The following METTL24 variants were observed in gnomAD, a reference collection of about 807,000 sequenced individuals.
METTL24 encodes probable methyltransferase-like protein 24.
Under a neutral mutation model 32.7 loss-of-function variants are expected in METTL24, and 29 were observed. The observed-to-expected ratio is 0.89, with a 90% CI of 0.66 to 1.21. The LOEUF (loss-of-function observed/expected upper bound fraction) is 1.21. METTL24 is among the 50% of genes most tolerant of loss of function. METTL24 has a pLI of 0.00. For missense variants in METTL24, 439 were observed against 468.1 expected, an observed-to-expected ratio of 0.94 and a Z score of 0.57; for synonymous variants, 163 against 179.5, an observed-to-expected ratio of 0.91 and a Z score of 0.73.
intron 4 of METTL24, among the ~76,000 whole-genome samples, chr6:110,268,961 T>A (rs1770907105): frequency 6.6e-6 from 1 of 152,080 alleles, no homozygotes; most frequent in South Asian, 2.1e-4. Flanking sequence ...TAGGTCTAAT[T>A]GTAAGAGGCC....
chr6:110,336,902 C>T (rs1582435964), intron 1 of METTL24, among the ~76,000 whole-genome samples: 1 of 152,002 alleles, frequency 6.6e-6, no homozygotes, highest in South Asian at 2.1e-4. Flanking sequence ...AATATTCAAC[C>T]CATCAATCGC....
chr6:110,305,522 T>C (rs1402918299), intron 3 of METTL24, among the ~76,000 whole-genome samples: 2 of 125,870 alleles, frequency 1.6e-5, no homozygotes, highest in African/African-American at 6.9e-5. Flanking sequence ...GCAAAGGATA[T>C]GAACAGACGC....
chr6:110,345,693 G>A (rs181551162), intron 1 of METTL24, among the ~76,000 whole-genome samples: 28 of 152,228 alleles, frequency 1.8e-4, no homozygotes, highest in Non-Finnish European at 3.2e-4. Context: ...ACCAAATACC[G>A]TATATTCTCA....
intron 4 of METTL24, among the ~76,000 whole-genome samples, chr6:110,270,059 G>A (rs1770927093): frequency 1.3e-5 from 2 of 152,158 alleles, no homozygotes; most frequent in African/African-American, 2.4e-5. Context: ...ATGATCCTTT[G>A]AAAATCATCC....
intron 4 of METTL24, among the ~76,000 whole-genome samples, chr6:110,298,081 A>C (rs916424420): frequency 3.9e-5 from 6 of 152,194 alleles, no homozygotes; most frequent in African/African-American, 1.4e-4. Context: ...AAGCCAACTC[A>C]AGTTTAAAAT....
intron 4 of METTL24, among the ~76,000 whole-genome samples, chr6:110,290,652 G>T (rs1243175344): frequency 6.6e-6 from 1 of 152,164 alleles, no homozygotes; most frequent in African/African-American, 2.4e-5. Context: ...TCCAGTTGAG[G>T]TTATCATGAA....
rs556425358 is a variant in METTL24, at chr6:110,281,786, C to T, written c.786+17136G>A. 4.6e-5 allele frequency among the ~76,000 whole-genome samples: 7 copies of T among 151,126 alleles called. No individual in the cohort carries two copies. In the East Asian group the frequency reaches 1.3e-3, roughly 29 times the overall value. ...AGTTCAGTCAACACTTGGTGCTATACTTGATATGTCCCCAAAAGCAGTCAA... is the reference window on the plus strand; with the variant it reads ...AGTTCAGTCAACACTTGGTGCTATATTTGATATGTCCCCAAAAGCAGTCAA... On this transcript the variant is annotated intron_variant, in intron 4 of 4. Coordinates refer to ENST00000338882, the MANE Select transcript of METTL24 (RefSeq NM_001123364.3).
At chr6:110,280,020 G>T (rs1372106843) in intron 4 of METTL24, among the ~76,000 whole-genome samples, 2 of 152,148 alleles carry the variant, frequency 1.3e-5, no homozygotes, top group Non-Finnish European at 2.9e-5. Flanking sequence ...GAGACAGGAA[G>T]TAGGTGCTGC....
chr6:110,357,936 C>A lies in METTL24; in HGVS notation c.318+19G>T. On this transcript the variant is annotated intron_variant, in intron 1 of 4. Transcript: ENST00000338882. ...GGGCTTCTGGTCCCAGGCCCAAGAC[C>A]GACCGCTTTGCAACTGACCTTCCGG... is the stretch of plus-strand genomic sequence containing the variant. 2 of 1,207,478 alleles carry A rather than the reference C, an allele frequency of 1.7e-6. No individual in the cohort carries two copies. The highest frequency in any genetic ancestry group is 3.9e-5 in the South Asian group (1 of 25,934). The allele number at this position is 1,207,478 out of a possible 1,614,324, so 74.8% of individuals were successfully genotyped here.
At chr6:110,330,911 A>C (rs955346732) in intron 1 of METTL24, among the ~76,000 whole-genome samples, 1 of 152,326 alleles carries the variant, frequency 6.6e-6, no homozygotes, top group African/African-American at 2.4e-5. Flanking sequence ...GAAAATCCCA[A>C]CTTATGTGGG....
chr6:110,332,671 G>T (rs1368316497), intron 1 of METTL24: 8 of 161,118 alleles, frequency 5.0e-5, no homozygotes. Context: ...GTTTTGGGAG[G>T]CTGAGGTGGG....
intron 1 of METTL24, among the ~76,000 whole-genome samples, chr6:110,353,412 AG>A (rs1174488674): frequency 5.0e-5 from 4 of 80,366 alleles, no homozygotes; most frequent in Non-Finnish European, 1.3e-4. Context: ...TGGACATATC[AG>A]GGGGCATCCC....
intron 4 of METTL24, among the ~76,000 whole-genome samples, chr6:110,277,527 T>C (rs1771068383): frequency 6.6e-6 from 1 of 152,178 alleles, no homozygotes. Flanking sequence ...CAATAATTTC[T>C]TGGAAATTGC....
At chr6:110,266,562 TCTC>T (rs1770861107) in intron 4 of METTL24, among the ~76,000 whole-genome samples, 1 of 152,146 alleles carries the variant, frequency 6.6e-6, no homozygotes, top group Non-Finnish European at 1.5e-5. Context: ...TCATGGCAGT[TCTC>T]CTGCGACAGT....
intron 1 of METTL24, among the ~76,000 whole-genome samples, chr6:110,356,677 G>A (rs555070789): frequency 9.9e-5 from 15 of 152,270 alleles, no homozygotes; most frequent in Middle Eastern, 6.8e-3. Context: ...TAAGCCCTTG[G>A]CAAAACTGTG....
intron 3 of METTL24, among the ~76,000 whole-genome samples, chr6:110,309,228 A>T (rs1428548706): frequency 6.6e-6 from 1 of 152,184 alleles, no homozygotes; most frequent in Non-Finnish European, 1.5e-5. Flanking sequence ...GAGGTAACAC[A>T]ATTGGTGTTT....
rs751078617 is a variant in METTL24 at position 110,273,677 on chromosome 6, C to T, written c.786+25245G>A. Among the ~76,000 whole-genome samples, 19 of 152,142 alleles carry T rather than the reference C, an allele frequency of 1.2e-4. 1 individual carries two copies. The highest frequency in any genetic ancestry group is 9.8e-4 in the Admixed American group (15 of 15,282). On this transcript the variant is annotated intron_variant, in intron 4 of 4. Transcript: ENST00000338882. ...GCAAATCAAAACCACAATAAGATAC[C>T]ACCTTACCCCTGCAAGAATGGCAAT...
intron 1 of METTL24, among the ~76,000 whole-genome samples, chr6:110,339,244 T>G (rs781236417): frequency 2.0e-5 from 3 of 152,222 alleles, no homozygotes; most frequent in African/African-American, 7.2e-5. Flanking sequence ...TGTGCACTCC[T>G]GCAGCTAACA....
Position 110,358,169 on chromosome 6 carries a change from CGCCGCAGCTCTGCGCAGA to C in METTL24, c.86_103del (p.Leu29_Arg34del). Reference sequence around the variant, plus strand: ...GCGGGTGGGGGACCCGGGCCCGGCGCGCCGCAGCTCTGCGCAGAGCCGCAGGCCGAACAACAGCACAGC... The same window carrying C: ...GCGGGTGGGGGACCCGGGCCCGGCGCGCCGCAGGCCGAACAACAGCACAGC... On this transcript the variant is annotated inframe_deletion, in exon 1 of 5. Transcript: ENST00000338882. 8.1e-7 allele frequency: 1 copy of C among 1,227,512 alleles called. No homozygotes were observed. The highest frequency in any genetic ancestry group is 3.4e-5 in the South Asian group (1 of 29,482). The allele number at this position is 1,227,512 out of a possible 1,614,324, so 76.0% of individuals were successfully genotyped here. A position where few individuals can be genotyped will look rare whatever the true frequency, so the allele number is the denominator to read the frequency against.
Sources: allele counts gnomAD v4.1 joint callset (sites outside exome capture counted in the v4.1 genomes callset), GRCh38; gene constraint gnomAD v4.1.1; transcripts MANE v1.5; gene names NCBI Gene and HGNC (gene_info 2026-07-23, HGNC 2026-07-21).